The following OR52N4 variants were observed in gnomAD, a reference collection of about 807,000 sequenced individuals.
OR52N4 encodes the protein olfactory receptor family 52 subfamily N member 4.
OR52N4 carries 15 observed loss-of-function variants against 15.0 expected under a neutral mutation model. The observed-to-expected ratio is 1.00, with a 90% confidence interval of 0.67 to 1.54. The LOEUF is 1.54. Among genes scored for constraint, OR52N4 ranks in the 40% most tolerant of loss-of-function variants. The probability of loss-of-function intolerance (pLI) is 0.00; values close to 1 mark genes in which losing one functional copy is unlikely to be tolerated. For missense variants in OR52N4, 421 were observed against 394.0 expected (o/e 1.07, Z -0.58); for synonymous variants, 143 against 143.7 (o/e 1.00, Z 0.03).
In OR52N4 at chr11:5,754,714, G is replaced by A. The variant is rs1474738666; in HGVS notation, c.-27G>A. ...CTAGGAAAGCCCAGACAAATTTTGA[G>A]CTATTTCATAACCTACCAGACTTAT... On this transcript the variant is annotated 5_prime_UTR_variant, in exon 2 of 2. Transcript: ENST00000641350. 7 of 1,548,738 alleles carry A rather than the reference G, an allele frequency of 4.5e-6. No individual in the cohort carries two copies. Among genetic ancestry groups the A allele is most frequent in the Non-Finnish European group, 6.1e-6 (7 of 1,149,276 alleles).
chr11:5,755,545 C>A lies in OR52N4; in HGVS notation c.805C>A (p.His269Asn). Residue 269 changes from histidine (H) to asparagine (N), a missense_variant, in exon 2 of 2, where the codon CAC becomes AAC. Physicochemically the swap from His to Asn is moderately conservative, Grantham distance 68 (BLOSUM62 1). Coordinates refer to ENST00000641350, the MANE Select transcript of OR52N4 (RefSeq NM_001005175.5). ...CTTCTTTTCCCACCGCTTTGGGGAA[C>A]ACATAATCCCCCCTTCTTGCCACAT... Reference protein sequence around the residue: ...FSFFSHRFGEHIIPPSCHIIV... With the variant: ...FSFFSHRFGENIIPPSCHIIV... 3 of 1,613,896 alleles carry A rather than the reference C, an allele frequency of 1.9e-6. No individual in the cohort carries two copies. The highest frequency in any genetic ancestry group is 2.5e-6 in the Non-Finnish European group (3 of 1,179,828).
At chr11:5,741,707 A>C in the OR52N4 span, among the ~76,000 whole-genome samples, 1 of 152,148 alleles carries the variant, frequency 6.6e-6, no homozygotes, top group Non-Finnish European at 1.5e-5. Context: ...TGGATTGTCT[A>C]GTAGTTGTGG....
chr11:5,749,712 C>G (rs907909155), upstream of OR52N4, among the ~76,000 whole-genome samples: 1 of 151,764 alleles, frequency 6.6e-6, no homozygotes. Flanking sequence ...AGCAAGCAAC[C>G]CTCATATGAG....
At chr11:5,742,094 A>C in the OR52N4 span, among the ~76,000 whole-genome samples, 4 of 152,092 alleles carry the variant, frequency 2.6e-5, no homozygotes, top group East Asian at 5.8e-4. Flanking sequence ...AACCTAGAAG[A>C]AAGCAAGCAA....
At chr11:5,741,552 A>G in the OR52N4 span, among the ~76,000 whole-genome samples, 140,889 of 152,274 alleles carry the variant, frequency 0.93, 65,334 homozygotes, top group Non-Finnish European at 0.96. Flanking sequence ...AGTCACCAGA[A>G]AAGTATGTTC....
At chr11:5,749,321 T>A (rs1159369023), upstream of OR52N4, among the ~76,000 whole-genome samples, 4 of 152,030 alleles carry the variant, frequency 2.6e-5, no homozygotes, top group Admixed American at 2.6e-4. Flanking sequence ...GTTTATCATT[T>A]ATCCAGCTAA....
At chr11:5,745,654 T>C in the OR52N4 span, among the ~76,000 whole-genome samples, 3 of 152,120 alleles carry the variant, frequency 2.0e-5, no homozygotes, top group Non-Finnish European at 2.9e-5. Context: ...GTGATCCCTA[T>C]CAAATTACCA....
At chr11:5,734,343 T>C in the OR52N4 span, 2 of 379,602 alleles carry the variant, frequency 5.3e-6, no homozygotes, top group South Asian at 4.0e-5. Context: ...AAGATTGACA[T>C]TTCTCTCTGT....
Position 5,755,789 on chromosome 11 carries a change from G to A in OR52N4, c.*83G>A, listed in dbSNP as rs1854305619. ...TGCAGGAGTTCATAAAATCTTTCTG[G>A]AAGCACTGTATTGATCACAAAATGG... On this transcript the variant is annotated 3_prime_UTR_variant, in exon 2 of 2. Transcript: ENST00000641350. 2.0e-6 allele frequency: 3 copies of A among 1,505,294 alleles called. No homozygotes were observed. Among genetic ancestry groups the A allele is most frequent in the Admixed American group, 2.1e-5 (1 of 48,418 alleles). 93.2% of individuals were successfully genotyped at this position (1,505,294 alleles called of 1,614,324 possible).
the OR52N4 span, among the ~76,000 whole-genome samples, chr11:5,745,810 C>G: frequency 1.3e-5 from 2 of 152,086 alleles, no homozygotes; most frequent in Non-Finnish European, 2.9e-5. Flanking sequence ...GCTATAGTAA[C>G]CAAAACAGCA....
the OR52N4 span, chr11:5,738,448 T>C: frequency 2.5e-5 from 3 of 118,410 alleles, no homozygotes; most frequent in African/African-American, 6.4e-5. Context: ...CAGCATCCAT[T>C]ATTTTTTAAT....
the OR52N4 span, among the ~76,000 whole-genome samples, chr11:5,739,864 G>A: frequency 7.8e-6 from 1 of 127,652 alleles, no homozygotes; most frequent in South Asian, 2.7e-4. Flanking sequence ...AGGCCATTCT[G>A]GCCAGAAATG....
chr11:5,740,829 G>T, the OR52N4 span, among the ~76,000 whole-genome samples: 1 of 125,610 alleles, frequency 8.0e-6, no homozygotes, highest in South Asian at 2.8e-4. Context: ...CTAAAAGAAA[G>T]AAATAAAAGG....
the OR52N4 span, among the ~76,000 whole-genome samples, chr11:5,740,180 C>T: frequency 8.6e-5 from 11 of 127,214 alleles, 3 homozygotes; most frequent in African/African-American, 2.3e-4. Flanking sequence ...CAATACGGGA[C>T]ACATTTAATC....
chr11:5,749,299 T>C (rs138924790), upstream of OR52N4, among the ~76,000 whole-genome samples: 1 of 152,120 alleles, frequency 6.6e-6, no homozygotes, highest in East Asian at 1.9e-4. Flanking sequence ...GAGCTTTGGG[T>C]ATATCTCAGT....
the OR52N4 span, among the ~76,000 whole-genome samples, chr11:5,730,143 G>T: frequency 5.3e-5 from 8 of 150,166 alleles, no homozygotes; most frequent in African/African-American, 2.0e-4. Context: ...TCAACCAGAA[G>T]TTGATGTTTC....
the OR52N4 span, among the ~76,000 whole-genome samples, chr11:5,748,037 T>C: frequency 6.7e-6 from 1 of 149,612 alleles, no homozygotes; most frequent in African/African-American, 2.4e-5. Context: ...TATTTTTCTT[T>C]TGAAAGGATC....
At chr11:5,731,933 T>G in the OR52N4 span, among the ~76,000 whole-genome samples, 3 of 152,214 alleles carry the variant, frequency 2.0e-5, no homozygotes, top group Non-Finnish European at 2.9e-5. Flanking sequence ...GACTAATATA[T>G]ATAAGGGATG....
chr11:5,737,276 C>T, the OR52N4 span: 1 of 1,614,130 alleles, frequency 6.2e-7, no homozygotes, highest in Non-Finnish European at 8.5e-7. Flanking sequence ...TAGTTCACAT[C>T]TCACCCTCAT....
Sources: allele counts gnomAD v4.1 joint callset (sites outside exome capture counted in the v4.1 genomes callset), GRCh38; gene constraint gnomAD v4.1.1; transcripts MANE v1.5; gene names NCBI Gene and HGNC (gene_info 2026-07-23, HGNC 2026-07-21).